Variants in NDUFAF6 observed in about 807,000 individuals in gnomAD.
NDUFAF6 encodes NADH:ubiquinone oxidoreductase complex assembly factor 6, also known as NADH dehydrogenase (ubiquinone) complex I, assembly factor 6.
NDUFAF6 carries 45 observed loss-of-function variants against 40.8 expected under a neutral mutation model. The ratio of observed to expected loss-of-function variants is 1.10; its 90% confidence interval spans 0.87 to 1.42. NDUFAF6 has a LOEUF of 1.42. Among genes scored for constraint, NDUFAF6 ranks in the 40% most tolerant of loss-of-function variants. The pLI is 0.00. For missense variants in NDUFAF6, 435 were observed against 418.5 expected (o/e 1.04, Z -0.34); for synonymous variants, 185 against 155.9 (o/e 1.19, Z -1.39).
chr8:94,909,425 G>C (rs1165544786), intron 1 of NDUFAF6, among the ~76,000 whole-genome samples: 1 of 139,474 alleles, frequency 7.2e-6, no homozygotes, highest in Non-Finnish European at 1.5e-5. Flanking sequence ...AGGAGTTCAA[G>C]ACCAGCCTGG....
intron 1 of NDUFAF6, among the ~76,000 whole-genome samples, chr8:94,916,065 AT>A (rs1363904142): frequency 1.3e-5 from 2 of 152,178 alleles, no homozygotes; most frequent in Non-Finnish European, 2.9e-5. Context: ...GGTCAGTGCA[AT>A]TTAAGCAAAA....
intron 3 of NDUFAF6, chr8:95,036,600 A>G (rs981081424): frequency 1.1e-6 from 1 of 902,972 alleles, no homozygotes. Context: ...CTTTCTATTT[A>G]TTACTTTACA....
chr8:95,000,522 C>G (rs1406644754), intron 2 of NDUFAF6, among the ~76,000 whole-genome samples: 3 of 150,876 alleles, frequency 2.0e-5, no homozygotes, highest in Non-Finnish European at 2.9e-5. Flanking sequence ...ATATTCTAAT[C>G]TTTTTATTAG....
chr8:95,113,991 C>A (rs1478048040), intron 4 of NDUFAF6, among the ~76,000 whole-genome samples: 2 of 124,518 alleles, frequency 1.6e-5, no homozygotes, highest in Non-Finnish European at 3.2e-5. Flanking sequence ...GAACATCACA[C>A]TCTGGGGACT....
At chr8:95,078,662 A>ATATATATATATATATATATATAT (rs1554689343), downstream of NDUFAF6, 2 of 121,038 alleles carry the variant, frequency 1.7e-5, no homozygotes, top group African/African-American at 6.5e-5. Context: ...AAAAAAAAAA[A>ATATATATATATATATATATATAT]ATATATATAT....
upstream of NDUFAF6, among the ~76,000 whole-genome samples, chr8:94,955,942 A>T (rs1306664368): frequency 2.0e-5 from 3 of 152,244 alleles, no homozygotes; most frequent in African/African-American, 7.2e-5. Context: ...AATAGAAACC[A>T]ATCAGTCCTG....
At position 95,007,166 on chromosome 8, in the gene NDUFAF6, G is replaced by C. The variant is rs188761226; in HGVS notation, c.-83-24829G>C. On this transcript the variant is annotated intron_variant, in intron 2 of 9. Coordinates refer to the NDUFAF6 transcript ENST00000396111. ...CTAACCAATTGATTTCAGAGCTTCT[G>C]AAAGGCTGAGAGAGACCCAAGCTGC... Among the ~76,000 whole-genome samples the C allele has an allele frequency of 2.5e-3, 380 of 152,218 alleles. 4 individuals carry two copies. Among genetic ancestry groups the C allele is most frequent in the African/African-American group, 8.7e-3 (362 of 41,538 alleles).
At chr8:95,071,255 G>A (rs1426332007) in intron 9 of NDUFAF6, among the ~76,000 whole-genome samples, 2 of 151,664 alleles carry the variant, frequency 1.3e-5, no homozygotes, top group Non-Finnish European at 2.9e-5. Flanking sequence ...AAAATTAGCC[G>A]GGCATTGTGG....
chr8:94,932,728 A>G (rs1157449381), intron 1 of NDUFAF6, among the ~76,000 whole-genome samples: 2 of 152,336 alleles, frequency 1.3e-5, no homozygotes, highest in Non-Finnish European at 2.9e-5. Context: ...GCATGAACCC[A>G]GGAGGCGGAG....
intron 1 of NDUFAF6, chr8:94,930,469 C>T (rs902867314): frequency 3.1e-6 from 5 of 1,613,120 alleles, no homozygotes; most frequent in East Asian, 2.2e-5. Flanking sequence ...ACCAACAAAA[C>T]TTGAAACTAT....
At position 94,930,497 on chromosome 8, in the gene NDUFAF6, C is replaced by T. The variant is rs756928155; in HGVS notation, c.-935-14986C>T. ...GAAACTATTAGTAATTGTACTGACG[C>T]GGGCAGGGCTGATGAACAACCCAGC... On this transcript the variant is annotated intron_variant, in intron 1 of 14. Coordinates refer to the NDUFAF6 transcript ENST00000396113. 2.5e-5 allele frequency: 41 copies of T among 1,614,082 alleles called. 1 individual carries two copies. Among genetic ancestry groups the T allele is most frequent in the South Asian group, 2.0e-4 (18 of 91,082 alleles).
At chr8:95,057,762 G>C in intron 8 of NDUFAF6, 47 bp from the exon 9 acceptor site, 1 of 1,296,428 alleles carries the variant, frequency 7.7e-7, no homozygotes, top group Non-Finnish European at 1.1e-6. Flanking sequence ...TTTTTTTTAA[G>C]TCTTGATCAT....
At chr8:94,995,313 G>A (rs962021580) in intron 2 of NDUFAF6, among the ~76,000 whole-genome samples, 2 of 152,214 alleles carry the variant, frequency 1.3e-5, no homozygotes, top group Admixed American at 1.3e-4. Flanking sequence ...AAGGCTGGGA[G>A]GAAGGAGGGG....
At chr8:94,936,108 G>C (rs1025740434) in intron 1 of NDUFAF6, among the ~76,000 whole-genome samples, 3 of 152,162 alleles carry the variant, frequency 2.0e-5, no homozygotes, top group Non-Finnish European at 4.4e-5. Context: ...CTTTGGACTA[G>C]AGAATTTCCA....
intron 2 of NDUFAF6, among the ~76,000 whole-genome samples, chr8:95,033,105 A>G (rs1829046869): frequency 6.6e-6 from 1 of 152,188 alleles, no homozygotes; most frequent in South Asian, 2.1e-4. Context: ...CAGTGGCATG[A>G]TCACAGCTTA....
chr8:94,983,771 C>T (rs1460092766), intron 2 of NDUFAF6, among the ~76,000 whole-genome samples: 3 of 152,166 alleles, frequency 2.0e-5, no homozygotes, highest in African/African-American at 4.8e-5. Context: ...AGGTGGTGTG[C>T]ATCCAGAGAG....
chr8:94,959,555 C>CAA (rs1823389076), intron 1 of NDUFAF6, among the ~76,000 whole-genome samples: 1 of 149,120 alleles, frequency 6.7e-6, no homozygotes. Flanking sequence ...TTTTTAGAGA[C>CAA]AGTCTTGCTT....
intron 2 of NDUFAF6, among the ~76,000 whole-genome samples, chr8:95,081,828 G>A (rs556737196): frequency 2.8e-4 from 42 of 152,160 alleles, no homozygotes; most frequent in African/African-American, 9.4e-4. Context: ...TTGGGAGGCC[G>A]AGGCGAGCGG....
At chr8:94,955,477 G>C (rs556883175), upstream of NDUFAF6, among the ~76,000 whole-genome samples, 1 of 152,328 alleles carries the variant, frequency 6.6e-6, no homozygotes, top group East Asian at 1.9e-4. Context: ...AGGTCCACCT[G>C]TCAACACTGT....
Sources: allele counts gnomAD v4.1 joint callset (sites outside exome capture counted in the v4.1 genomes callset), GRCh38; gene constraint gnomAD v4.1.1; transcripts MANE v1.5; gene names NCBI Gene and HGNC (gene_info 2026-07-23, HGNC 2026-07-21).